KCNN4: variants seen among roughly 807,000 people sequenced by gnomAD.
The protein encoded by KCNN4 is potassium calcium-activated channel subfamily N member 4.
A neutral mutation model predicts 45.2 loss-of-function variants in KCNN4; 31 were observed. The observed-to-expected ratio is 0.69, with a 90% CI of 0.52 to 0.92. KCNN4 has a LOEUF of 0.92. Ranked by LOEUF, KCNN4 falls within the 40% of genes least tolerant of loss-of-function variation. KCNN4 has a pLI of 0.00. For missense variants in KCNN4, 463 were observed against 574.0 expected, an observed-to-expected ratio of 0.81 and a Z score of 1.98; for synonymous variants, 231 against 254.6, an observed-to-expected ratio of 0.91 and a Z score of 0.88.
Position 43,772,066 on chromosome 19 carries a change from G to T in KCNN4, c.753C>A (p.Ile251=), listed in dbSNP as rs200350667. 5 of 1,613,436 alleles carry T rather than the reference G, an allele frequency of 3.1e-6. No homozygotes were observed. The African/African-American group carries it at 6.7e-5, about 22-fold the overall frequency. ...TGCCCGGCACCACGTCACCATAGCC[G>T]ATGGTCAGGAATGTGATGGGGATCA... ...LWLIPITFLT[I]GYGDVVPGTM... Residue 251 remains isoleucine (I), a synonymous_variant, in exon 4 of 9, where the codon ATC becomes ATA. Coordinates refer to ENST00000648319, the MANE Select transcript of KCNN4 (RefSeq NM_002250.3). The surrounding 1 kb of genome is among the most constrained non-coding windows in gnomAD (Gnocchi z 4.4).
chr19:43,774,938 G>A lies in KCNN4; in HGVS notation c.256-319C>T, dbSNP rs747151005. ...CACAGTGAACCCAACAGACCCCCCT[G>A]CCTCCCTAGAGCTTGCATTCCACAT... is the stretch of plus-strand genomic sequence containing the variant. On this transcript the variant is annotated intron_variant, in intron 2 of 8. Coordinates refer to ENST00000648319, the MANE Select transcript of KCNN4 (RefSeq NM_002250.3). This position sits in a 1 kb window ranked among gnomAD's most constrained non-coding sequence, Gnocchi z 5.6. 7.9e-5 allele frequency among the ~76,000 whole-genome samples: 12 copies of A among 152,174 alleles called. No individual in the cohort carries two copies. Among genetic ancestry groups the A allele is most frequent in the Non-Finnish European group, 1.2e-4 (8 of 68,032 alleles).
intron 1 of KCNN4, 190 bp from the exon 2 acceptor site, chr19:43,776,826 G>C (rs572885973): frequency 1.7e-6 from 1 of 587,308 alleles, no homozygotes; most frequent in Non-Finnish European, 3.1e-6. Context: ...GGCCCAGTGC[G>C]GTGGCTCACA....
chr19:43,774,362 G>T lies in KCNN4; in HGVS notation c.513C>A (p.Ser171Arg). Residue 171 changes from serine to arginine, a missense_variant, in exon 3 of 9, where the codon AGC becomes AGA. Transcript: ENST00000648319. This position sits in a 1 kb window ranked among gnomAD's most constrained non-coding sequence, Gnocchi z 5.6. The part of the protein sequence containing the change: ...YLVPRAVLLR[S>R]GVLLNASYRS... ...GGTAGGAAGCGTTGAGCAGGACGCC[G>T]CTGCGCAGGAGCACGGCGCGGGGCA... The T allele has an allele frequency of 1.2e-6, 2 of 1,607,902 alleles. No homozygotes were observed. The highest frequency in any genetic ancestry group is 1.7e-6 in the Non-Finnish European group (2 of 1,177,268).
chr19:43,769,145 A>C lies in KCNN4; in HGVS notation c.1050-113T>G. On this transcript the variant is annotated intron_variant, in intron 6 of 8. Coordinates refer to ENST00000648319, the MANE Select transcript of KCNN4 (RefSeq NM_002250.3). This position sits in a 1 kb window ranked among gnomAD's most constrained non-coding sequence, Gnocchi z 4.4. ...CATGAAGAAACAAAACAAAGAAACAAAGTTGTCGAAGAGCTGAAAGAGTGG... is the reference window on the plus strand; with the variant it reads ...CATGAAGAAACAAAACAAAGAAACACAGTTGTCGAAGAGCTGAAAGAGTGG... 6 of 1,181,560 alleles carry C rather than the reference A, an allele frequency of 5.1e-6. No homozygotes were observed. Among genetic ancestry groups the C allele is most frequent in the Non-Finnish European group, 7.5e-6 (6 of 795,664 alleles). 73.2% of individuals were successfully genotyped at this position (1,181,560 alleles called of 1,614,324 possible). A position where few individuals can be genotyped will look rare whatever the true frequency, so the allele number is the denominator to read the frequency against.
At chr19:43,767,824 C>G (rs1384529484) in intron 7 of KCNN4, 117 bp from the exon 8 acceptor site, 15 of 1,269,104 alleles carry the variant, frequency 1.2e-5, no homozygotes, top group Non-Finnish European at 1.7e-5. Context: ...GAGGATTACC[C>G]TCGACAATAA....
chr19:43,771,942 G>A (rs1969654990), intron 4 of KCNN4, 58 bp downstream of exon 4: 9 of 1,518,202 alleles, frequency 5.9e-6, no homozygotes, highest in Non-Finnish European at 7.1e-6. Flanking sequence ...TGGCTTCCTG[G>A]GGCCAGAGGA....
At chr19:43,771,590 C>A (rs761561081) in intron 4 of KCNN4, among the ~76,000 whole-genome samples, 5 of 152,118 alleles carry the variant, frequency 3.3e-5, no homozygotes, top group Admixed American at 6.5e-5. Flanking sequence ...AATGGGGCTG[C>A]GAAGTCAGGA....
rs1969560766 is a variant in KCNN4 at position 43,769,075 on chromosome 19, T to C, written c.1050-43A>G. On this transcript the variant is annotated intron_variant, in intron 6 of 8. Transcript: ENST00000648319. The surrounding 1 kb of genome is among the most constrained non-coding windows in gnomAD (Gnocchi z 4.4). ...GAGTCAGTTTTACAAGCCTGGTCCCTGAATGTAGCTGTAGCTCAGGGGAGG... is the reference window on the plus strand; with the variant it reads ...GAGTCAGTTTTACAAGCCTGGTCCCCGAATGTAGCTGTAGCTCAGGGGAGG... 2 of 1,589,832 alleles carry C rather than the reference T, an allele frequency of 1.3e-6. No homozygotes were observed. Among genetic ancestry groups the C allele is most frequent in the Non-Finnish European group, 1.7e-6 (2 of 1,157,898 alleles).
At position 43,780,822 on chromosome 19, in the gene KCNN4, G is replaced by T. The variant is rs201622697; in HGVS notation, c.40C>A (p.Arg14Ser). The T allele has an allele frequency of 6.2e-7, 1 of 1,613,990 alleles. No individual in the cohort carries two copies. Among genetic ancestry groups the T allele is most frequent in the Non-Finnish European group, 8.5e-7 (1 of 1,179,952 alleles). ...TCCTGCTCCAGCAAGCGCTTTCGGC[G>T]TCTCAAGGCCCCCAGGCCAAGCACC... ...DLVLGLGALR[R>S]RKRLLEQEKS... Residue 14 changes from arginine (R) to serine (S), a missense_variant, in exon 1 of 9, where the codon CGC (arginine) becomes AGC (serine). Physicochemically the swap from Arg to Ser is moderately radical, Grantham distance 110. Coordinates refer to ENST00000648319, the MANE Select transcript of KCNN4 (RefSeq NM_002250.3).
chr19:43,770,438 A>G (rs185980553), intron 4 of KCNN4, among the ~76,000 whole-genome samples: 2 of 151,898 alleles, frequency 1.3e-5, no homozygotes, highest in East Asian at 1.9e-4. Context: ...CCTTCTCCCA[A>G]TGCTCCTGGC....
rs112994061 is a variant in KCNN4 at position 43,769,854 on chromosome 19, C to G, written c.820-25G>C. 38 of 1,559,200 alleles carry G rather than the reference C, an allele frequency of 2.4e-5. No homozygotes were observed. In the African/African-American group the frequency reaches 2.6e-4, roughly 11 times the overall value. On this transcript the variant is annotated intron_variant, in intron 4 of 8. Coordinates refer to ENST00000648319, the MANE Select transcript of KCNN4 (RefSeq NM_002250.3). This position sits in a 1 kb window ranked among gnomAD's most constrained non-coding sequence, Gnocchi z 4.4. ...CCTGTGGGCACAGCAGGCACCGTGGCATGAGGCTGTGCCACCGACTCCCTC... is the reference window on the plus strand; with the variant it reads ...CCTGTGGGCACAGCAGGCACCGTGGGATGAGGCTGTGCCACCGACTCCCTC...
intron 4 of KCNN4, among the ~76,000 whole-genome samples, chr19:43,771,573 G>A (rs533369324): frequency 2.0e-5 from 3 of 152,154 alleles, no homozygotes; most frequent in Non-Finnish European, 4.4e-5. Flanking sequence ...TCCCAGTTCT[G>A]GAAGAAAATG....
At position 43,769,858 on chromosome 19, in the gene KCNN4, A is replaced by T; in HGVS notation, c.820-29T>A. 1 of 1,525,756 alleles carries T rather than the reference A, an allele frequency of 6.6e-7. No individual in the cohort carries two copies. Among genetic ancestry groups the T allele is most frequent in the Non-Finnish European group, 9.0e-7 (1 of 1,110,834 alleles). The allele number at this position is 1,525,756 out of a possible 1,614,324, so 94.5% of individuals were successfully genotyped here. ...TGGGCACAGCAGGCACCGTGGCATG[A>T]GGCTGTGCCACCGACTCCCTCCTTG... On this transcript the variant is annotated intron_variant, in intron 4 of 8. Coordinates refer to ENST00000648319, the MANE Select transcript of KCNN4 (RefSeq NM_002250.3). The surrounding 1 kb of genome is among the most constrained non-coding windows in gnomAD (Gnocchi z 4.4).
At position 43,771,984 on chromosome 19, in the gene KCNN4, A is replaced by G. The variant is rs199755031; in HGVS notation, c.819+16T>C. On this transcript the variant is annotated intron_variant, in intron 4 of 8. Transcript: ENST00000648319. ...GTTTGGGATAGGGATCATGTCCCCA[A>G]GGCAGCTGTACTCACCATGACTCCA... The G allele has an allele frequency of 6.9e-6, 11 of 1,587,390 alleles. No homozygotes were observed. Among genetic ancestry groups the G allele is most frequent in the African/African-American group, 2.7e-5 (2 of 73,722 alleles).
chr19:43,773,092 A>G (rs1969689105), intron 3 of KCNN4, among the ~76,000 whole-genome samples: 1 of 152,380 alleles, frequency 6.6e-6, no homozygotes, highest in East Asian at 1.9e-4. Flanking sequence ...TGAAATCAAG[A>G]GTTCAAAACC....
At chr19:43,767,974 G>C (rs1035929569) in intron 7 of KCNN4, among the ~76,000 whole-genome samples, 2 of 152,208 alleles carry the variant, frequency 1.3e-5, no homozygotes, top group Non-Finnish European at 2.9e-5. Flanking sequence ...GCATGGAACA[G>C]TTAAATGACA....
At chr19:43,771,892 G>A (rs1001734504) in intron 4 of KCNN4, 108 bp downstream of exon 4, 27 of 1,358,110 alleles carry the variant, frequency 2.0e-5, no homozygotes, top group Admixed American at 2.6e-5. Context: ...AAGTTTCTCA[G>A]GAGCTGTCCC....
At position 43,774,428 on chromosome 19, in the gene KCNN4, T is replaced by C; in HGVS notation, c.447A>G (p.Glu149=). The C allele has an allele frequency of 6.3e-7, 1 of 1,596,974 alleles. No homozygotes were observed. The highest frequency in any genetic ancestry group is 1.1e-5 in the South Asian group (1 of 89,124). The change falls in exon 3 of 9, where the codon GAA becomes GAG. Residue 149 remains glutamate, a synonymous_variant. Transcript: ENST00000648319. The surrounding 1 kb of genome is among the most constrained non-coding windows in gnomAD (Gnocchi z 5.6). ...GCAGCATGGCCAGGGACAGCAGCGC[T>C]TCCCCTTGGCCCAGGAATCCCGGCC... ...QPWPGFLGQG[E]ALLSLAMLLR...
At chr19:43,770,718 C>T (rs78631678) in intron 4 of KCNN4, among the ~76,000 whole-genome samples, 3,883 of 152,268 alleles carry the variant, frequency 0.026, 148 homozygotes, top group African/African-American at 0.088. Flanking sequence ...TTACCCCTGG[C>T]AAGTGTGTAG....
Sources: gnomAD v4.1 joint callset for allele counts (sites outside exome capture counted in the v4.1 genomes callset) on GRCh38, gnomAD v4.1.1 for gene constraint, Gnocchi (gnomAD v3.1) non-coding constraint, MANE v1.5 for transcripts, NCBI Gene and HGNC (gene_info 2026-07-23, HGNC 2026-07-21) for gene names.